Variants in PCDHA3 observed in about 807,000 individuals in gnomAD.
The protein encoded by PCDHA3 is protocadherin alpha 3.
Under a neutral mutation model 62.2 loss-of-function variants are expected in PCDHA3, and 41 were observed. That is an observed-to-expected ratio of 0.66 (90% CI 0.51 to 0.86). The LOEUF is 0.86. Ranked by LOEUF, PCDHA3 falls within the 40% of genes least tolerant of loss-of-function variation. The pLI, the probability that PCDHA3 is intolerant of heterozygous loss-of-function variation, is 0.00. For missense variants in PCDHA3, 1,304 were observed against 1,241.2 expected (o/e 1.05, Z -0.76); for synonymous variants, 640 against 555.4 (o/e 1.15, Z -2.14).
chr5:140,926,209 T>A (rs553307318), intron 1 of PCDHA3, among the ~76,000 whole-genome samples: 1 of 152,028 alleles, frequency 6.6e-6, no homozygotes, highest in African/African-American at 2.4e-5. Context: ...GGGGGGCTCC[T>A]GTTTCCTTAA....
chr5:140,917,853 G>A (rs1187603480), intron 1 of PCDHA3, among the ~76,000 whole-genome samples: 1 of 151,906 alleles, frequency 6.6e-6, no homozygotes, highest in African/African-American at 2.4e-5. Flanking sequence ...TTTTTGCTTA[G>A]GATTGCTTTG....
chr5:140,999,505 A>C (rs1221080631), intron 3 of PCDHA3, among the ~76,000 whole-genome samples: 3 of 152,134 alleles, frequency 2.0e-5, no homozygotes, highest in African/African-American at 7.2e-5. Flanking sequence ...AAGAACCTAC[A>C]TTTTAAGCAT....
intron 1 of PCDHA3, among the ~76,000 whole-genome samples, chr5:140,908,488 A>G (rs2073999089): frequency 6.6e-6 from 1 of 152,206 alleles, no homozygotes; most frequent in Non-Finnish European, 1.5e-5. Flanking sequence ...TAGGCAGTTC[A>G]GGTTGCTTGG....
intron 1 of PCDHA3, among the ~76,000 whole-genome samples, chr5:140,937,309 T>G (rs1210222120): frequency 6.6e-6 from 1 of 152,102 alleles, no homozygotes; most frequent in African/African-American, 2.4e-5. Flanking sequence ...AGTGCTGGGA[T>G]TACAGGCGTG....
intron 1 of PCDHA3, chr5:140,823,109 C>A (rs1197473169): frequency 6.2e-7 from 1 of 1,614,038 alleles, no homozygotes. Context: ...GTGGAAGTGG[C>A]CGACGTGAAC....
At chr5:140,883,280 G>T (rs2059527753) in intron 1 of PCDHA3, 1 of 1,613,990 alleles carries the variant, frequency 6.2e-7, no homozygotes, top group Non-Finnish European at 8.5e-7. Flanking sequence ...TACCCTTTTG[G>T]TGGAAGTACT....
chr5:140,955,492 A>G, intron 1 of PCDHA3, among the ~76,000 whole-genome samples: 1 of 152,138 alleles, frequency 6.6e-6, no homozygotes, highest in East Asian at 1.9e-4. Context: ...TCCTGCCACC[A>G]TGTGAAGAAA....
intron 1 of PCDHA3, chr5:140,875,653 C>T (rs1554167829): frequency 1.2e-6 from 2 of 1,613,682 alleles, no homozygotes; most frequent in East Asian, 2.2e-5. Context: ...GGAGCTGGTG[C>T]CGCGCCTGTT....
At chr5:140,966,900 G>A (rs376213042) in intron 1 of PCDHA3, 1 of 1,598,684 alleles carries the variant, frequency 6.3e-7, no homozygotes, top group Non-Finnish European at 8.5e-7. Flanking sequence ...TCCCAGCTGC[G>A]ATACTCTGTG....
chr5:140,958,159 A>T (rs782390357), intron 1 of PCDHA3, among the ~76,000 whole-genome samples: 35 of 152,134 alleles, frequency 2.3e-4, no homozygotes, highest in Non-Finnish European at 4.3e-4. Flanking sequence ...CATAGTCAAA[A>T]GCCTGGAGTG....
chr5:140,993,996 G>T (rs1163632974), intron 3 of PCDHA3, among the ~76,000 whole-genome samples: 1 of 152,148 alleles, frequency 6.6e-6, no homozygotes, highest in Non-Finnish European at 1.5e-5. Flanking sequence ...CTTAGGTCAG[G>T]CCAGGCTCTG....
chr5:140,822,505 T>C, intron 1 of PCDHA3: 1 of 1,613,896 alleles, frequency 6.2e-7, no homozygotes, highest in Non-Finnish European at 8.5e-7. Context: ...ATTTGATAAA[T>C]CCATTTATAA....
rs546551059 is a variant in PCDHA3, at chr5:140,918,074, G to A, written c.2395-60875G>A. Among the ~76,000 whole-genome samples, 10 of 152,214 alleles carry A rather than the reference G, an allele frequency of 6.6e-5. No individual in the cohort carries two copies. The East Asian group carries it at 1.9e-3, about 29-fold the overall frequency. On this transcript the variant is annotated intron_variant, in intron 1 of 3. Transcript: ENST00000522353. ...TTATCATCTCTGATTTCTTTCAGTA[G>A]TGTTTTATAATTCTTTTTATAGAGA...
At chr5:140,949,360 T>G (rs1178484553) in intron 1 of PCDHA3, among the ~76,000 whole-genome samples, 1 of 151,868 alleles carries the variant, frequency 6.6e-6, no homozygotes, top group South Asian at 2.1e-4. Context: ...TTTATTTTTT[T>G]GTCTAGTTGT....
intron 1 of PCDHA3, among the ~76,000 whole-genome samples, chr5:140,969,689 G>C (rs2096353737): frequency 6.6e-6 from 1 of 152,136 alleles, no homozygotes; most frequent in Admixed American, 6.5e-5. Context: ...AGGAGAAATG[G>C]CCTCTGCTGT....
chr5:140,966,190 C>G (rs1251814900), intron 1 of PCDHA3: 1 of 203,228 alleles, frequency 4.9e-6, no homozygotes, highest in Non-Finnish European at 9.7e-6. Context: ...AGCCAGACTT[C>G]TAGGGGCTTG....
intron 1 of PCDHA3, among the ~76,000 whole-genome samples, chr5:140,907,278 A>G (rs558447183): frequency 2.6e-5 from 4 of 152,338 alleles, no homozygotes; most frequent in African/African-American, 7.2e-5. Context: ...CCATCATTCT[A>G]TCAATCCAGC....
chr5:140,986,308 A>G (rs1399323765), intron 3 of PCDHA3, among the ~76,000 whole-genome samples: 1 of 152,162 alleles, frequency 6.6e-6, no homozygotes, highest in African/African-American at 2.4e-5. Context: ...AGAGAAAATT[A>G]GCTAAATCAG....
At chr5:140,830,022 G>C in intron 1 of PCDHA3, 1 of 1,613,860 alleles carries the variant, frequency 6.2e-7, no homozygotes, top group Non-Finnish European at 8.5e-7. Flanking sequence ...GACTCTCCGC[G>C]CCACCGGCTG....
Sources: allele counts gnomAD v4.1 joint callset (sites outside exome capture counted in the v4.1 genomes callset), GRCh38; gene constraint gnomAD v4.1.1; transcripts MANE v1.5; gene names NCBI Gene and HGNC (gene_info 2026-07-23, HGNC 2026-07-21).